CLP1: variants seen among roughly 807,000 people sequenced by gnomAD.
The protein encoded by CLP1 is cleavage factor polyribonucleotide kinase subunit 1.
CLP1 carries 18 observed loss-of-function variants against 29.9 expected under a neutral mutation model. That is an observed-to-expected ratio of 0.60 (90% confidence interval 0.42 to 0.89). The LOEUF is 0.89. Among genes scored for constraint, CLP1 ranks in the 40% least tolerant of loss-of-function variants. The probability of loss-of-function intolerance (pLI) is 0.00; values close to 1 mark genes in which losing one functional copy is unlikely to be tolerated. For synonymous variants in CLP1, 162 were observed against 206.2 expected, an observed-to-expected ratio of 0.79 and a Z score of 1.84; for missense variants, 357 against 544.8, an observed-to-expected ratio of 0.66 and a Z score of 3.43.
In CLP1 at chr11:57,661,271, C is replaced by T. The variant is rs146281104; in HGVS notation, c.1113C>T (p.Ala371=). ...MVHHLLSVST[A]EGTEENLSET... ...ACCACCTACTGAGTGTTAGCACTGCCGAGGGTACAGAGGAGAACCTGTCCG... is the reference window on the plus strand; with the variant it reads ...ACCACCTACTGAGTGTTAGCACTGCTGAGGGTACAGAGGAGAACCTGTCCG... Residue 371 remains alanine (A), a synonymous_variant, in exon 3 of 3, where the codon GCC becomes GCT. Transcript: ENST00000533682. 2.6e-5 allele frequency: 42 copies of T among 1,614,192 alleles called. 1 individual carries two copies. Among genetic ancestry groups the T allele is most frequent in the South Asian group, 2.5e-4 (23 of 91,078 alleles).
rs751855017 is a variant in CLP1, at chr11:57,661,471, A to C, written c.*35A>C. ...GGAAGCCTTGCTGCCTGGGACATAG[A>C]GATCATCTGGCCACCCCTAGAGGCA... On this transcript the variant is annotated 3_prime_UTR_variant, in exon 3 of 3. Transcript: ENST00000533682. 2.2e-5 allele frequency: 34 copies of C among 1,557,040 alleles called. No individual in the cohort carries two copies. The South Asian group carries it at 3.6e-4, about 17-fold the overall frequency.
In CLP1 at chr11:57,660,051, C is replaced by T. The variant is rs748932291; in HGVS notation, c.575C>T (p.Thr192Ile). ...APLVYHFGST[T>I]PGTNIKLYNK... ...CTGGTGTATCATTTTGGTTCCACCA[C>T]TCCTGGCACTAACATCAAGCTTTAT... The change falls in exon 2 of 3, where the codon ACT (threonine) becomes ATT (isoleucine). Residue 192 changes from threonine (T) to isoleucine (I), a missense_variant. Coordinates refer to ENST00000533682, the MANE Select transcript of CLP1 (RefSeq NM_006831.3). 6.3e-7 allele frequency: 1 copy of T among 1,592,610 alleles called. No homozygotes were observed. The highest frequency in any genetic ancestry group is 2.2e-5 in the East Asian group (1 of 44,564).
At chr11:57,659,379 A>G (rs1945851857) in intron 1 of CLP1, 76 bp from the exon 2 acceptor site, 3 of 1,419,176 alleles carry the variant, frequency 2.1e-6, no homozygotes, top group South Asian at 2.6e-5. Flanking sequence ...GTGAGCCACC[A>G]TGCCTGGCCC....
rs546209302 is a variant in CLP1 at position 57,660,731 on chromosome 11, G to A, written c.607-34G>A. 1.2e-5 allele frequency: 18 copies of A among 1,519,034 alleles called. No individual in the cohort carries two copies. The African/African-American group carries it at 2.5e-4, about 21-fold the overall frequency. The allele number at this position is 1,519,034 out of a possible 1,614,324, so 94.1% of individuals were successfully genotyped here. On this transcript the variant is annotated intron_variant, in intron 2 of 2. Coordinates refer to ENST00000533682, the MANE Select transcript of CLP1 (RefSeq NM_006831.3). ...AAAGTAGCCATGGGTTTGTCTGGGT[G>A]TTTTTGTTCTTACCTTGATCCTCTC...
At position 57,661,439 on chromosome 11, in the gene CLP1, A is replaced by C. The variant is rs762466068; in HGVS notation, c.*3A>C. The C allele has an allele frequency of 1.6e-5, 25 of 1,601,422 alleles. No individual in the cohort carries two copies. Among genetic ancestry groups the C allele is most frequent in the Non-Finnish European group, 2.1e-5 (25 of 1,173,138 alleles). Reference sequence around the variant, plus strand: ...TCCGGTTCATGGATCTGAAGTAGAGATCAGCAGGAAGCCTTGCTGCCTGGG... The same window carrying C: ...TCCGGTTCATGGATCTGAAGTAGAGCTCAGCAGGAAGCCTTGCTGCCTGGG... On this transcript the variant is annotated 3_prime_UTR_variant, in exon 3 of 3. Transcript: ENST00000533682.
rs755160303 is a variant in CLP1, at chr11:57,661,476, A to G, written c.*40A>G. 2 of 1,539,680 alleles carry G rather than the reference A, an allele frequency of 1.3e-6. No homozygotes were observed. The highest frequency in any genetic ancestry group is 2.4e-5 in the South Asian group (2 of 82,298). On this transcript the variant is annotated 3_prime_UTR_variant, in exon 3 of 3. Transcript: ENST00000533682. ...CCTTGCTGCCTGGGACATAGAGATC[A>G]TCTGGCCACCCCTAGAGGCAGATGG...
chr11:57,659,917 T>C lies in CLP1; in HGVS notation c.441T>C (p.Tyr147=), dbSNP rs2135361122. 9 of 1,614,182 alleles carry C rather than the reference T, an allele frequency of 5.6e-6. No individual in the cohort carries two copies. The highest frequency in any genetic ancestry group is 2.2e-5 in the East Asian group (1 of 44,884). ...YAVRLGRRPT[Y]VELDVGQGSV... Reference sequence around the variant, plus strand: ...TGCGTTTGGGCCGCCGTCCCACTTATGTGGAGCTGGATGTGGGCCAGGGTT... The same window carrying C: ...TGCGTTTGGGCCGCCGTCCCACTTACGTGGAGCTGGATGTGGGCCAGGGTT... Residue 147 remains tyrosine, a synonymous_variant, in exon 2 of 3, where the codon TAT becomes TAC. Coordinates refer to ENST00000533682, the MANE Select transcript of CLP1 (RefSeq NM_006831.3).
chr11:57,659,579 T>C lies in CLP1; in HGVS notation c.103T>C (p.Leu35=), dbSNP rs368377553. 1.4e-5 allele frequency: 22 copies of C among 1,613,864 alleles called. No homozygotes were observed. Among genetic ancestry groups the C allele is most frequent in the African/African-American group, 8.0e-5 (6 of 74,846 alleles). The change falls in exon 2 of 3, where the codon TTG becomes CTG. Residue 35 remains leucine, a synonymous_variant. Coordinates refer to ENST00000533682, the MANE Select transcript of CLP1 (RefSeq NM_006831.3). ...GGTGGAGGCATCTCAGTCAGTTCAG[T>C]TGGAGTTGTTGACTGGCATGGCAGA... is the stretch of plus-strand genomic sequence containing the variant. ...FEVEASQSVQ[L]ELLTGMAEIF...
At position 57,661,144 on chromosome 11, in the gene CLP1, T is replaced by C. The variant is rs1282787443; in HGVS notation, c.986T>C (p.Val329Ala). The C allele has an allele frequency of 2.5e-6, 4 of 1,614,078 alleles. No homozygotes were observed. Among genetic ancestry groups the C allele is most frequent in the Admixed American group, 1.7e-5 (1 of 60,006 alleles). The change falls in exon 3 of 3, where the codon GTT (valine) becomes GCT (alanine). Residue 329 changes from valine (V) to alanine (A), a missense_variant. Coordinates refer to ENST00000533682, the MANE Select transcript of CLP1 (RefSeq NM_006831.3). ...VKFSDVKIYKVGAPTIPDSCL... is the reference protein window; with the variant it reads ...VKFSDVKIYKAGAPTIPDSCL... ...TTTTCAGATGTGAAAATCTACAAAG[T>C]TGGGGCACCCACCATCCCAGACTCC...
intron 1 of CLP1, 57 bp from the exon 2 acceptor site, chr11:57,659,398 G>A: frequency 1.7e-5 from 26 of 1,547,338 alleles, no homozygotes; most frequent in Non-Finnish European, 2.3e-5. Context: ...CCCATTGGAT[G>A]TTTTTGTAAC....
At chr11:57,658,238 G>C (rs541805536) in intron 1 of CLP1, among the ~76,000 whole-genome samples, 60 of 152,332 alleles carry the variant, frequency 3.9e-4, no homozygotes, top group Non-Finnish European at 6.0e-4. Context: ...GGTGTGCTCT[G>C]CTTTGCATCC....
intron 1 of CLP1, among the ~76,000 whole-genome samples, 176 bp downstream of exon 1, chr11:57,658,036 C>T (rs1458654953): frequency 6.6e-6 from 1 of 152,104 alleles, no homozygotes; most frequent in Non-Finnish European, 1.5e-5. Context: ...GTTTCCTTGC[C>T]GTTTTCTAGT....
At chr11:57,658,620 A>G (rs929449539) in intron 1 of CLP1, among the ~76,000 whole-genome samples, 7 of 151,890 alleles carry the variant, frequency 4.6e-5, no homozygotes, top group Admixed American at 2.0e-4. Context: ...TTATTTATTT[A>G]TTTGTTTATT....
chr11:57,660,808 T>C lies in CLP1; in HGVS notation c.650T>C (p.Val217Ala), dbSNP rs147951568. ...LADVFNQRCE[V>A]NRRASVSGCV... ...GATGTGTTCAACCAAAGGTGTGAGG[T>C]GAACCGAAGGGCATCTGTGAGTGGC... The change falls in exon 3 of 3, where the codon GTG becomes GCG. Residue 217 changes from valine (V) to alanine (A), a missense_variant. By Grantham distance (64) the Val-to-Ala change is moderately conservative. Coordinates refer to ENST00000533682, the MANE Select transcript of CLP1 (RefSeq NM_006831.3). The C allele has an allele frequency of 2.6e-3, 4,118 of 1,610,348 alleles. 21 individuals carry two copies. The highest frequency in any genetic ancestry group is 2.4e-3 in the Admixed American group (142 of 59,876).
Position 57,661,389 on chromosome 11 carries a change from A to G in CLP1, c.1231A>G (p.Lys411Glu). The stretch of plus-strand genomic sequence containing the variant: ...GTCTCCAGCCCCTCGCCCACTGCCT[A>G]AGAACTTCCTTCTCATCATGGATAT... Reference protein sequence around the residue: ...VLSPAPRPLPKNFLLIMDIRF... With the variant: ...VLSPAPRPLPENFLLIMDIRF... Residue 411 changes from lysine to glutamate, a missense_variant, in exon 3 of 3, where the codon AAG becomes GAG. Transcript: ENST00000533682. 1 of 1,613,854 alleles carries G rather than the reference A, an allele frequency of 6.2e-7. No homozygotes were observed. Among genetic ancestry groups the G allele is most frequent in the Non-Finnish European group, 8.5e-7 (1 of 1,179,908 alleles).
Position 57,661,225 on chromosome 11 carries a change from C to T in CLP1, c.1067C>T (p.Thr356Ile), listed in dbSNP as rs377065634. Reference protein sequence around the residue: ...EDNQLKLVPVTPGRDMVHHLL... With the variant: ...EDNQLKLVPVIPGRDMVHHLL... ...AATCAGCTCAAGCTAGTACCTGTCA[C>T]TCCTGGGCGAGATATGGTGCACCAC... Residue 356 changes from threonine to isoleucine, a missense_variant, in exon 3 of 3, where the codon ACT becomes ATT. Physicochemically the swap from Thr to Ile is moderately conservative, Grantham distance 89 (BLOSUM62 -1). Transcript: ENST00000533682. 1 of 1,614,228 alleles carries T rather than the reference C, an allele frequency of 6.2e-7. No individual in the cohort carries two copies. Among genetic ancestry groups the T allele is most frequent in the South Asian group, 1.1e-5 (1 of 91,088 alleles).
intron 2 of CLP1, 111 bp from the exon 3 acceptor site, chr11:57,660,654 A>C (rs74496835): frequency 2.6e-6 from 2 of 767,434 alleles, no homozygotes; most frequent in Non-Finnish European, 3.9e-6. Flanking sequence ...ACTCCATTTC[A>C]AAAAAAAAAT....
At chr11:57,660,223 T>C (rs1945861802) in intron 2 of CLP1, 141 bp downstream of exon 2, 1 of 891,548 alleles carries the variant, frequency 1.1e-6, no homozygotes, top group Non-Finnish European at 1.6e-6. Flanking sequence ...AATATGTCAG[T>C]CTCAGATTGT....
rs1186647171 is a variant in CLP1 at position 57,659,978 on chromosome 11, A to G, written c.502A>G (p.Ile168Val). 1 of 1,613,654 alleles carries G rather than the reference A, an allele frequency of 6.2e-7. No homozygotes were observed. Among genetic ancestry groups the G allele is most frequent in the Non-Finnish European group, 8.5e-7 (1 of 1,179,882 alleles). ...CCCTGGTACCATGGGGGCCCTCTACATCGAGCGGCCTGCAGATGTCGAAGA... is the reference window on the plus strand; with the variant it reads ...CCCTGGTACCATGGGGGCCCTCTACGTCGAGCGGCCTGCAGATGTCGAAGA... ...SIPGTMGALYIERPADVEEGF... is the reference protein window; with the variant it reads ...SIPGTMGALYVERPADVEEGF... The change falls in exon 2 of 3, where the codon ATC becomes GTC. Residue 168 changes from isoleucine (I) to valine (V), a missense_variant. Ile to Val is a conservative substitution (Grantham distance 29). Transcript: ENST00000533682.
Sources: gnomAD v4.1 joint callset for allele counts (sites outside exome capture counted in the v4.1 genomes callset) on GRCh38, gnomAD v4.1.1 for gene constraint, MANE v1.5 for transcripts, NCBI Gene and HGNC (gene_info 2026-07-23, HGNC 2026-07-21) for gene names.